Variants in AP4S1 observed in about 807,000 individuals in gnomAD.
AP4S1 encodes the protein AP-4 complex subunit sigma-1.
AP4S1 carries 23 observed loss-of-function variants against 19.8 expected under a neutral mutation model. That is an observed-to-expected ratio of 1.16 (90% CI 0.84 to 1.65). The LOEUF (loss-of-function observed/expected upper bound fraction) is 1.65, where lower values mean the gene tolerates loss of function less well. Ranked by LOEUF, AP4S1 falls within the 40% of genes most tolerant of loss-of-function variation. The probability of loss-of-function intolerance (pLI) is 0.00; values close to 1 mark genes in which losing one functional copy is unlikely to be tolerated. For synonymous variants in AP4S1, 46 were observed against 54.1 expected (o/e 0.85, Z 0.66); for missense variants, 166 against 172.8 (o/e 0.96, Z 0.22).
intron 1 of AP4S1, chr14:31,032,918 C>A (rs1884490807): frequency 6.6e-6 from 1 of 152,184 alleles, no homozygotes; most frequent in Non-Finnish European, 1.5e-5. Flanking sequence ...CTAATCTAGT[C>A]ATCTTTTTTG....
rs1439763322 is a variant in AP4S1 at position 31,093,516 on chromosome 14, T to C, written c.*481T>C. ...AGTCTAGCTGTGTCACCTGGCACAT[T>C]CTCGGCTCACTGCAACCTCCACTTC... On this transcript the variant is annotated 3_prime_UTR_variant, in exon 6 of 6. Coordinates refer to ENST00000542754, the MANE Select transcript of AP4S1 (RefSeq NM_001128126.3). 1 of 153,564 alleles carries C rather than the reference T, an allele frequency of 6.5e-6. No individual in the cohort carries two copies. The highest frequency in any genetic ancestry group is 1.4e-5 in the Non-Finnish European group (1 of 69,156). 9.5% of individuals were successfully genotyped at this position (153,564 alleles called of 1,614,324 possible). A position where few individuals can be genotyped will look rare whatever the true frequency, so the allele number is the denominator to read the frequency against.
intron 1 of AP4S1, among the ~76,000 whole-genome samples, chr14:31,033,275 G>T (rs143014046): frequency 6.6e-6 from 1 of 151,944 alleles, no homozygotes; most frequent in African/African-American, 2.4e-5. Context: ...GTGCAGTGGC[G>T]TGATCTCGGC....
At chr14:31,044,070 T>A (rs560331418) in intron 1 of AP4S1, among the ~76,000 whole-genome samples, 3 of 152,188 alleles carry the variant, frequency 2.0e-5, no homozygotes, top group Non-Finnish European at 4.4e-5. Flanking sequence ...ATTATATAAT[T>A]TAACTCAATG....
At chr14:31,037,167 TGCACACACACAC>T (rs1884827742) in intron 1 of AP4S1, among the ~76,000 whole-genome samples, 1 of 151,802 alleles carries the variant, frequency 6.6e-6, no homozygotes, top group South Asian at 2.1e-4. Flanking sequence ...CTTACACACA[TGCACACACACAC>T]GCACACACAC....
At chr14:31,071,000 C>T (rs187177056) in intron 3 of AP4S1, among the ~76,000 whole-genome samples, 19 of 151,932 alleles carry the variant, frequency 1.3e-4, no homozygotes, top group Admixed American at 8.5e-4. Context: ...TGCAGTGAGC[C>T]GAGATTGCGC....
At chr14:31,062,094 T>A (rs1219731991) in intron 1 of AP4S1, among the ~76,000 whole-genome samples, 1 of 151,462 alleles carries the variant, frequency 6.6e-6, no homozygotes, top group East Asian at 1.9e-4. Context: ...ATCCTGGAGG[T>A]TTATTTATTT....
intron 1 of AP4S1, among the ~76,000 whole-genome samples, chr14:31,037,332 T>A (rs953436850): frequency 2.6e-5 from 4 of 152,108 alleles, no homozygotes; most frequent in African/African-American, 9.7e-5. Context: ...AGAGATGTTG[T>A]CTGTAGATGT....
At chr14:31,040,203 G>A (rs1268962389) in intron 1 of AP4S1, among the ~76,000 whole-genome samples, 2 of 147,148 alleles carry the variant, frequency 1.4e-5, no homozygotes, top group Non-Finnish European at 1.5e-5. Context: ...CAAGGCTGGA[G>A]TGCAGTGGCC....
rs939403564 is a variant in AP4S1 at position 31,093,288 on chromosome 14, G to A, written c.*253G>A. 9 of 295,536 alleles carry A rather than the reference G, an allele frequency of 3.0e-5. No individual in the cohort carries two copies. Among genetic ancestry groups the A allele is most frequent in the African/African-American group, 1.4e-4 (6 of 44,394 alleles). The allele number at this position is 295,536 out of a possible 1,614,324, so 18.3% of individuals were successfully genotyped here. On this transcript the variant is annotated 3_prime_UTR_variant, in exon 6 of 6. Coordinates refer to ENST00000542754, the MANE Select transcript of AP4S1 (RefSeq NM_001128126.3). ...TTTTCTAATTGTAAACATATCTGTC[G>A]CACTTTAAATTCTGTTGAGCACCTA...
At chr14:31,072,850 G>C (rs1321036340) in intron 3 of AP4S1, 55 bp from the exon 4 acceptor site, 1 of 1,435,206 alleles carries the variant, frequency 7.0e-7, no homozygotes, top group Non-Finnish European at 9.8e-7. Context: ...TTCTATGTCT[G>C]GTTTACATGG....
intron 4 of AP4S1, chr14:31,073,195 A>AAC: frequency 5.8e-6 from 3 of 512,964 alleles, no homozygotes; most frequent in South Asian, 4.1e-5. Context: ...GAAAAAAAAA[A>AAC]AAAAACCTCT....
chr14:31,084,055 C>T (rs77070160), intron 5 of AP4S1, among the ~76,000 whole-genome samples: 2,669 of 152,262 alleles, frequency 0.018, 67 homozygotes, highest in African/African-American at 0.06. Flanking sequence ...ATCCACTCTG[C>T]CAGGAAAGCT....
In AP4S1 at chr14:31,054,452, G is replaced by A. The variant is rs1052398586; in HGVS notation, c.-71-11674G>A. ...TAATCCCAGCATTTTGGGAGGCCGA[G>A]GTGGGCGGATCACAAGATCAGGAGT... On this transcript the variant is annotated intron_variant, in intron 1 of 5. Transcript: ENST00000542754. 9.4e-4 allele frequency among the ~76,000 whole-genome samples: 143 copies of A among 152,064 alleles called. 1 individual carries two copies. Among genetic ancestry groups the A allele is most frequent in the Non-Finnish European group, 1.4e-3 (98 of 68,022 alleles).
At chr14:31,080,446 C>A in intron 4 of AP4S1, 127 bp from the exon 5 acceptor site, 1 of 775,960 alleles carries the variant, frequency 1.3e-6, no homozygotes, top group South Asian at 1.5e-5. Flanking sequence ...GCTGTGGCCA[C>A]CAAGCCCAGA....
intron 1 of AP4S1, among the ~76,000 whole-genome samples, chr14:31,056,624 G>A (rs1886134962): frequency 6.6e-6 from 1 of 152,172 alleles, no homozygotes; most frequent in Admixed American, 6.5e-5. Flanking sequence ...CTTCCAAAGT[G>A]CTGGGATTAC....
intron 1 of AP4S1, among the ~76,000 whole-genome samples, chr14:31,064,528 G>A (rs1269715936): frequency 6.6e-6 from 1 of 152,098 alleles, no homozygotes; most frequent in Non-Finnish European, 1.5e-5. Context: ...CACCATATTG[G>A]CCAGGCTGGT....
At chr14:31,078,670 C>T (rs1380278799) in intron 4 of AP4S1, among the ~76,000 whole-genome samples, 1 of 152,074 alleles carries the variant, frequency 6.6e-6, no homozygotes, top group East Asian at 1.9e-4. Context: ...TATTCAGTAA[C>T]TGAGAATAAA....
chr14:31,093,183 A>T lies in AP4S1; in HGVS notation c.*148A>T, dbSNP rs1280518877. 7.9e-5 allele frequency: 60 copies of T among 756,396 alleles called. No individual in the cohort carries two copies. The Admixed American group carries it at 2.2e-3, about 27-fold the overall frequency. 46.9% of individuals were successfully genotyped at this position (756,396 alleles called of 1,614,324 possible). On this transcript the variant is annotated 3_prime_UTR_variant, in exon 6 of 6. Coordinates refer to ENST00000542754, the MANE Select transcript of AP4S1 (RefSeq NM_001128126.3). ...GACATTATAAATAGGCATTTTCCAC[A>T]GTTCCTAAAAAGAAAACACAACTGT...
At chr14:31,082,866 A>G (rs921771592) in intron 5 of AP4S1, among the ~76,000 whole-genome samples, 5 of 151,520 alleles carry the variant, frequency 3.3e-5, no homozygotes, top group East Asian at 1.9e-4. Context: ...ACTGCACTCC[A>G]GCCTGGGCGA....
Sources: allele counts gnomAD v4.1 joint callset (sites outside exome capture counted in the v4.1 genomes callset), GRCh38; gene constraint gnomAD v4.1.1; transcripts MANE v1.5; gene names NCBI Gene and HGNC (gene_info 2026-07-23, HGNC 2026-07-21).